MFN2: variants seen among roughly 807,000 people sequenced by gnomAD.
MFN2 encodes the protein mitofusin-2.
Under a neutral mutation model 87.5 loss-of-function variants are expected in MFN2, and 43 were observed. The ratio of observed to expected loss-of-function variants is 0.49; its 90% CI spans 0.38 to 0.63. The LOEUF (loss-of-function observed/expected upper bound fraction) is 0.63, where lower values mean the gene tolerates loss of function less well. Ranked by LOEUF, MFN2 falls within the 30% of genes least tolerant of loss-of-function variation. The pLI is 0.00. For synonymous variants in MFN2, 337 were observed against 359.9 expected (o/e 0.94, Z 0.72); for missense variants, 743 against 972.8 (o/e 0.76, Z 3.14).
chr1:12,001,296 A>G (rs1639160053), intron 8 of MFN2, 105 bp from the exon 9 acceptor site: 1 of 1,487,512 alleles, frequency 6.7e-7, no homozygotes, highest in East Asian at 2.4e-5. Flanking sequence ...TACAGGCGTC[A>G]GCCACCATGC....
chr1:11,996,058 C>G (rs1212499289), intron 4 of MFN2, 98 bp from the exon 5 acceptor site: 1 of 1,504,870 alleles, frequency 6.6e-7, no homozygotes, highest in African/African-American at 1.4e-5. Flanking sequence ...CAACATTGCA[C>G]TGAATAGGGC....
At chr1:11,985,961 G>A (rs927112062) in intron 2 of MFN2, among the ~76,000 whole-genome samples, 7 of 152,162 alleles carry the variant, frequency 4.6e-5, no homozygotes, top group East Asian at 3.9e-4. Flanking sequence ...TTAAGCCCTG[G>A]ACATATGGCT....
chr1:11,994,589 C>CA lies in MFN2; in HGVS notation c.312-1555dup, dbSNP rs556623368. Reference sequence around the variant, plus strand: ...TAGGTGACGGAGTGAGACTCCGTCTCAAAAAAAAAAAATCTAATACAAGAA... The same window carrying CA: ...TAGGTGACGGAGTGAGACTCCGTCTCAAAAAAAAAAAAATCTAATACAAGAA... On this transcript the variant is annotated intron_variant, in intron 4 of 18. Transcript: ENST00000235329. Among the ~76,000 whole-genome samples, 521 of 133,222 alleles carry CA rather than the reference C, an allele frequency of 3.9e-3. 11 individuals are homozygous for CA. The East Asian group carries it at 0.048, about 12-fold the overall frequency. 87.4% of individuals were successfully genotyped at this position (133,222 alleles called of 152,430 possible).
At position 12,001,744 on chromosome 1, in the gene MFN2, G is replaced by A. The variant is rs757488475; in HGVS notation, c.971-25G>A. 3.1e-6 allele frequency: 5 copies of A among 1,613,756 alleles called. No individual in the cohort carries two copies. In the South Asian group the frequency reaches 4.4e-5, roughly 14 times the overall value. ...TTCCTCTGCTGCCAAGTTGTTTCTG[G>A]ACTAATGCAGTACAATCCTCCTAGG... On this transcript the variant is annotated intron_variant, in intron 9 of 18. Transcript: ENST00000235329.
chr1:11,999,352 T>C (rs920675904), intron 8 of MFN2, among the ~76,000 whole-genome samples: 12 of 152,328 alleles, frequency 7.9e-5, no homozygotes, highest in East Asian at 5.8e-4. Context: ...GCATCTTCAG[T>C]GCCGGTGCTC....
intron 17 of MFN2, among the ~76,000 whole-genome samples, chr1:12,008,247 C>G (rs980040898): frequency 6.6e-6 from 1 of 152,272 alleles, no homozygotes; most frequent in Non-Finnish European, 1.5e-5. Flanking sequence ...ATGGCCCGTT[C>G]TCAATGAGCT....
chr1:11,980,830 G>C (rs574497913), intron 1 of MFN2, among the ~76,000 whole-genome samples: 102 of 152,320 alleles, frequency 6.7e-4, no homozygotes, highest in African/African-American at 2.4e-3. Flanking sequence ...CGTTCACCGC[G>C]GGAGCGCCCT....
chr1:12,000,598 A>C (rs913530053), intron 8 of MFN2, among the ~76,000 whole-genome samples: 1 of 152,144 alleles, frequency 6.6e-6, no homozygotes, highest in African/African-American at 2.4e-5. Flanking sequence ...AGAGGATGAA[A>C]TCTGTCAAAA....
chr1:12,006,012 CG>C, intron 15 of MFN2, 81 bp downstream of exon 15: 1 of 1,382,506 alleles, frequency 7.2e-7, no homozygotes, highest in South Asian at 1.2e-5. Flanking sequence ...CATTCTAAAA[CG>C]GGGGTTCCCT....
intron 16 of MFN2, 81 bp downstream of exon 16, chr1:12,006,774 C>CA: frequency 6.3e-7 from 1 of 1,587,538 alleles, no homozygotes. Flanking sequence ...TGCTGTGGCC[C>CA]CTGCATTGGG....
rs763302683 is a variant in MFN2, at chr1:12,001,880, A to G, written c.1038+44A>G. ...GTATCTGGCGATTCTGTGCCTCCCC[A>G]GCTCCCATTGGCTGTGTCCCTGGCA... On this transcript the variant is annotated intron_variant, in intron 10 of 18. Coordinates refer to ENST00000235329, the MANE Select transcript of MFN2 (RefSeq NM_014874.4). 4.0e-5 allele frequency: 65 copies of G among 1,613,852 alleles called. 1 individual carries two copies. The highest frequency in any genetic ancestry group is 1.3e-4 in the South Asian group (12 of 91,060).
chr1:12,011,796 G>A lies in MFN2; in HGVS notation c.*231G>A, dbSNP rs41278636. On this transcript the variant is annotated 3_prime_UTR_variant, in exon 19 of 19. Transcript: ENST00000235329. ...CCCCCAAAGGACACTTTCAGCGACA[G>A]CTATGGACAGCATGGTACCAAGGAG... 6,426 of 597,344 alleles carry A rather than the reference G, an allele frequency of 0.011. 71 individuals are homozygous for A. Among genetic ancestry groups the A allele is most frequent in the African/African-American group, 0.037 (2,004 of 53,950 alleles). The allele number at this position is 597,344 out of a possible 1,614,324, so 37.0% of individuals were successfully genotyped here.
intron 3 of MFN2, chr1:11,992,297 G>A (rs1638719437): frequency 1.9e-6 from 1 of 534,992 alleles, no homozygotes; most frequent in South Asian, 2.1e-5. Context: ...GACCCAGAAA[G>A]GTTCTTTTGC....
rs1440507058 is a variant in MFN2 at position 12,004,331 on chromosome 1, C to T, written c.1288-178C>T. Reference sequence around the variant, plus strand: ...TCTGGACCTCCACAGATCATGTGGGCGTTTGATCAGCCAGTTTCCCAGACC... The same window carrying T: ...TCTGGACCTCCACAGATCATGTGGGTGTTTGATCAGCCAGTTTCCCAGACC... On this transcript the variant is annotated intron_variant, in intron 12 of 18. Transcript: ENST00000235329. The surrounding 1 kb of genome is among the most constrained non-coding windows in gnomAD (Gnocchi z 4.2). Among the ~76,000 whole-genome samples the T allele has an allele frequency of 3.3e-5, 5 of 152,072 alleles. No individual in the cohort carries two copies. The highest frequency in any genetic ancestry group is 7.4e-5 in the Non-Finnish European group (5 of 68,016).
In MFN2 at chr1:11,999,154, C is replaced by G. The variant is rs573708766; in HGVS notation, c.816+59C>G. On this transcript the variant is annotated intron_variant, in intron 8 of 18. Coordinates refer to ENST00000235329, the MANE Select transcript of MFN2 (RefSeq NM_014874.4). ...AACCCCGAGGGAGCACTGCCTGCCA[C>G]TGGGGCCACTTCCTGCACCCCTGGA... is the stretch of plus-strand genomic sequence containing the variant. 485 of 1,373,412 alleles carry G rather than the reference C, an allele frequency of 3.5e-4. 1 individual carries two copies. The highest frequency in any genetic ancestry group is 4.8e-4 in the Non-Finnish European group (461 of 960,894). 85.1% of individuals were successfully genotyped at this position (1,373,412 alleles called of 1,614,324 possible). A position where few individuals can be genotyped will look rare whatever the true frequency, so the allele number is the denominator to read the frequency against.
chr1:12,000,217 A>C (rs1324792627), intron 8 of MFN2, among the ~76,000 whole-genome samples: 1 of 151,730 alleles, frequency 6.6e-6, no homozygotes, highest in Non-Finnish European at 1.5e-5. Flanking sequence ...TTCGAGATGG[A>C]GTTTTGCTCT....
In MFN2 at chr1:11,997,231, G is replaced by A. The variant is rs374425496; in HGVS notation, c.475-66G>A. 3.9e-5 allele frequency: 62 copies of A among 1,608,340 alleles called. No homozygotes were observed. In the African/African-American group the frequency reaches 5.2e-4, roughly 14 times the overall value. ...CCCAGCCACTGTGCTGTGATGCAGC[G>A]GCACAGGAAATCTCCTGGCCTGGTG... On this transcript the variant is annotated intron_variant, in intron 5 of 18. Coordinates refer to ENST00000235329, the MANE Select transcript of MFN2 (RefSeq NM_014874.4).
At chr1:11,997,254 G>T in intron 5 of MFN2, 43 bp from the exon 6 acceptor site, 1 of 1,612,956 alleles carries the variant, frequency 6.2e-7, no homozygotes, top group Non-Finnish European at 8.5e-7. Context: ...TCCTGGCCTG[G>T]TGGTTCCTCC....
Position 12,004,184 on chromosome 1 carries a change from ACCT to A in MFN2, c.1287+74_1287+76del. On this transcript the variant is annotated intron_variant, in intron 12 of 18. Transcript: ENST00000235329. The surrounding 1 kb of genome is among the most constrained non-coding windows in gnomAD (Gnocchi z 4.2). ...CCGAGTAGAGTCCAGAAGAAAGCAG[ACCT>A]CCTCCTCTTAGGGACTTCTCAGCCT... is the stretch of plus-strand genomic sequence containing the variant. The A allele has an allele frequency of 6.3e-7, 1 of 1,599,670 alleles. No individual in the cohort carries two copies.
Sources: gnomAD v4.1 joint callset for allele counts (sites outside exome capture counted in the v4.1 genomes callset) on GRCh38, gnomAD v4.1.1 for gene constraint, Gnocchi (gnomAD v3.1) non-coding constraint, MANE v1.5 for transcripts, NCBI Gene and HGNC (gene_info 2026-07-23, HGNC 2026-07-21) for gene names.